Variants in NOTCH4 observed in about 807,000 individuals in gnomAD.
NOTCH4 encodes neurogenic locus notch homolog protein 4.
In NOTCH4, 138 loss-of-function variants were observed where a neutral mutation model predicts 189.0. The observed-to-expected ratio is 0.73, with a 90% CI of 0.64 to 0.84. The LOEUF (loss-of-function observed/expected upper bound fraction) is 0.84, where lower values mean the gene tolerates loss of function less well. NOTCH4 is among the 40% of genes least tolerant of loss of function. The pLI, the probability that NOTCH4 is intolerant of heterozygous loss-of-function variation, is 0.00. For synonymous variants in NOTCH4, 942 were observed against 1,032.8 expected (o/e 0.91, Z 1.69); for missense variants, 2,286 against 2,605.4 (o/e 0.88, Z 2.67).
In NOTCH4 at chr6:32,199,286, G is replaced by A. The variant is rs1224891228; in HGVS notation, c.4316-141C>T. The stretch of plus-strand genomic sequence containing the variant: ...AATGGGGATGATAATATAGATTGAG[G>A]TTGGGCACAGTGGCTCATGCCTGTA... On this transcript the variant is annotated intron_variant, in intron 23 of 29. Coordinates refer to ENST00000375023, the MANE Select transcript of NOTCH4 (RefSeq NM_004557.4). The surrounding 1 kb of genome is among the most constrained non-coding windows in gnomAD (Gnocchi z 4.9). 3.2e-6 allele frequency: 2 copies of A among 624,016 alleles called. No homozygotes were observed. The highest frequency in any genetic ancestry group is 5.4e-6 in the Non-Finnish European group (2 of 370,052). The allele number at this position is 624,016 out of a possible 1,614,324, so 38.7% of individuals were successfully genotyped here.
In NOTCH4 at chr6:32,219,711, G is replaced by GGACA; in HGVS notation, c.1387_1390dup (p.Pro464LeufsTer11). The stretch of plus-strand genomic sequence containing the variant: ...ACAACGGGAGCCTGTGTAGCCAGGT[G>GGACA]GACAGAGGCAGTTGAAGGAGCCAGG... On this transcript the variant is annotated frameshift_variant, in exon 8 of 30. Transcript: ENST00000375023. LOFTEE classifies it high-confidence loss of function. 6.2e-7 allele frequency: 1 copy of GGACA among 1,613,104 alleles called. No homozygotes were observed. Among genetic ancestry groups the GGACA allele is most frequent in the African/African-American group, 1.3e-5 (1 of 75,008 alleles).
chr6:32,223,409 G>C (rs1369146810), intron 1 of NOTCH4, among the ~76,000 whole-genome samples: 2 of 152,056 alleles, frequency 1.3e-5, no homozygotes, highest in Non-Finnish European at 2.9e-5. Context: ...CTGAGACTTC[G>C]AAGAGATTTC....
chr6:32,223,758 T>C, intron 1 of NOTCH4, 98 bp downstream of exon 1: 1 of 1,199,854 alleles, frequency 8.3e-7, no homozygotes, highest in East Asian at 2.5e-5. Context: ...CCATCCAGCA[T>C]CCCTCACACG....
Position 32,210,141 on chromosome 6 carries a change from C to T in NOTCH4, c.2865+611G>A, listed in dbSNP as rs180918572. On this transcript the variant is annotated intron_variant, in intron 18 of 29. Coordinates refer to ENST00000375023, the MANE Select transcript of NOTCH4 (RefSeq NM_004557.4). The surrounding 1 kb of genome is among the most constrained non-coding windows in gnomAD (Gnocchi z 4.8). ...AGGGACATCTTCCTGAAGAAGATGC[C>T]TCCTGAACACCAGCCTGTGGAAGAG... 2.0e-5 allele frequency among the ~76,000 whole-genome samples: 3 copies of T among 152,228 alleles called. No homozygotes were observed. The East Asian group carries it at 5.8e-4, about 29-fold the overall frequency.
chr6:32,211,012 G>A, intron 17 of NOTCH4, 76 bp from the exon 18 acceptor site: 1 of 1,393,716 alleles, frequency 7.2e-7, no homozygotes, highest in Non-Finnish European at 9.6e-7. Context: ...TGTAATCCCA[G>A]CACTTTGGGA....
In NOTCH4 at chr6:32,195,725, G is replaced by GC; in HGVS notation, c.5723dup (p.Thr1910AspfsTer6). The GC allele has an allele frequency of 6.2e-7, 1 of 1,612,674 alleles. No individual in the cohort carries two copies. The highest frequency in any genetic ancestry group is 1.3e-5 in the African/African-American group (1 of 75,064). ...AAAACCTACGGCCGCGAGGGGTCGG[G>GC]CCTCCTCCTGCTCCTACTCCCGAGA... On this transcript the variant is annotated frameshift_variant, in exon 30 of 30. Coordinates refer to ENST00000375023, the MANE Select transcript of NOTCH4 (RefSeq NM_004557.4). LOFTEE classifies it low-confidence loss of function (END_TRUNC). The surrounding 1 kb of genome is among the most constrained non-coding windows in gnomAD (Gnocchi z 5.4).
intron 18 of NOTCH4, among the ~76,000 whole-genome samples, chr6:32,205,708 G>A (rs1220309695): frequency 3.3e-5 from 5 of 151,750 alleles, no homozygotes; most frequent in Non-Finnish European, 7.4e-5. Flanking sequence ...GTAGGTTAGG[G>A]TATCTGTCTT....
At chr6:32,205,926 A>G (rs112635766) in intron 18 of NOTCH4, among the ~76,000 whole-genome samples, 184 of 152,116 alleles carry the variant, frequency 1.2e-3, no homozygotes, top group African/African-American at 4.2e-3. Flanking sequence ...AATCCCAGCT[A>G]CTGGGGAGGC....
At chr6:32,216,737 A>G (rs1582815242) in intron 11 of NOTCH4, 1 of 648,756 alleles carries the variant, frequency 1.5e-6, no homozygotes, top group Non-Finnish European at 2.7e-6. Context: ...CACACCATTT[A>G]CACTGGGCCC....
intron 7 of NOTCH4, 145 bp from the exon 8 acceptor site, chr6:32,219,931 A>G: frequency 1.1e-6 from 1 of 886,468 alleles, no homozygotes; most frequent in Non-Finnish European, 1.7e-6. Flanking sequence ...ATGGAAAGGA[A>G]ATAAGGGACC....
At position 32,197,378 on chromosome 6, in the gene NOTCH4, G is replaced by T; in HGVS notation, c.4973C>A (p.Ala1658Asp). 6.5e-7 allele frequency: 1 copy of T among 1,538,324 alleles called. No homozygotes were observed. Residue 1658 changes from alanine (A) to aspartate (D), a missense_variant, in exon 27 of 30, where the codon GCC becomes GAC. Transcript: ENST00000375023. The stretch of plus-strand genomic sequence containing the variant: ...TGCCCGGTCTGGCTGGTTGGGGTTG[G>T]CTCCAGCCTCAAGGAGGCGGCGGGC... ...TAARRLLEAGANPNQPDRAGR... is the reference protein window; with the variant it reads ...TAARRLLEAGDNPNQPDRAGR...
intron 18 of NOTCH4, among the ~76,000 whole-genome samples, chr6:32,206,856 C>T (rs1167909910): frequency 4.0e-5 from 6 of 151,860 alleles, no homozygotes; most frequent in Non-Finnish European, 8.8e-5. Flanking sequence ...GACACATAGA[C>T]CAATGGAATG....
At position 32,204,187 on chromosome 6, in the gene NOTCH4, C is replaced by T; in HGVS notation, c.3068G>A (p.Cys1023Tyr). ...QPCHPTGTAA[C>Y]HSLANAFYCQ... ...GTAGAAGGCATTGGCCAGAGAGTGGCAGGCTGCAGTGCCTGTGGGGTGGCA... is the reference window on the plus strand; with the variant it reads ...GTAGAAGGCATTGGCCAGAGAGTGGTAGGCTGCAGTGCCTGTGGGGTGGCA... The change falls in exon 19 of 30, where the codon TGC (cysteine) becomes TAC (tyrosine). Residue 1023 changes from cysteine to tyrosine, a missense_variant. Cys to Tyr is a radical substitution (Grantham distance 194). Transcript: ENST00000375023. The T allele has an allele frequency of 6.2e-7, 1 of 1,612,964 alleles. No individual in the cohort carries two copies. Among genetic ancestry groups the T allele is most frequent in the South Asian group, 1.1e-5 (1 of 91,086 alleles).
rs142608082 is a variant in NOTCH4, at chr6:32,199,034, C to T, written c.4427G>A (p.Arg1476Gln). The T allele has an allele frequency of 2.3e-4, 364 of 1,612,694 alleles. No individual in the cohort carries two copies. Among genetic ancestry groups the T allele is most frequent in the Non-Finnish European group, 3.0e-4 (353 of 1,179,940 alleles). The change falls in exon 24 of 30, where the codon CGA becomes CAA. Residue 1476 changes from arginine (R) to glutamine (Q), a missense_variant. Physicochemically the swap from Arg to Gln is conservative, Grantham distance 43. Around this residue, in one of 2 missense-constraint regions of NOTCH4, gnomAD observed 1,903 missense variants for 2,261.9 expected, o/e 0.84. Coordinates refer to ENST00000375023, the MANE Select transcript of NOTCH4 (RefSeq NM_004557.4). The surrounding 1 kb of genome is among the most constrained non-coding windows in gnomAD (Gnocchi z 4.9). ...LVLQLIRRRR[R>Q]EHGALWLPPG... is the part of the protein sequence containing the mutation. ...GGGCAGCCAGAGAGCTCCATGCTCTCGGCGTCGACGCCGGATGAGCTGGAG... is the reference window on the plus strand; with the variant it reads ...GGGCAGCCAGAGAGCTCCATGCTCTTGGCGTCGACGCCGGATGAGCTGGAG...
Position 32,212,978 on chromosome 6 carries a change from T to C in NOTCH4, c.2439-67A>G, listed in dbSNP as rs1392575994. 25 of 1,450,690 alleles carry C rather than the reference T, an allele frequency of 1.7e-5. No individual in the cohort carries two copies. In the Admixed American group the frequency reaches 4.5e-4, roughly 26 times the overall value. 89.9% of individuals were successfully genotyped at this position (1,450,690 alleles called of 1,614,324 possible). A position where few individuals can be genotyped will look rare whatever the true frequency, so the allele number is the denominator to read the frequency against. On this transcript the variant is annotated intron_variant, in intron 15 of 29. Transcript: ENST00000375023. This position sits in a 1 kb window ranked among gnomAD's most constrained non-coding sequence, Gnocchi z 4.4. ...GCAACAAGGGGAAGGTAGTGTGTGA[T>C]ATTGTCGGGAGGCAACCACAGGGAG...
At position 32,209,224 on chromosome 6, in the gene NOTCH4, A is replaced by G. The variant is rs372816342; in HGVS notation, c.2865+1528T>C. Among the ~76,000 whole-genome samples the G allele has an allele frequency of 9.2e-5, 14 of 152,302 alleles. No homozygotes were observed. In the East Asian group the frequency reaches 2.3e-3, roughly 25 times the overall value. ...CTTAGTTAGTCCTGACCTTTCTTGC[A>G]TTCCAGGTAGATACTTGCATCAGCC... On this transcript the variant is annotated intron_variant, in intron 18 of 29. Coordinates refer to ENST00000375023, the MANE Select transcript of NOTCH4 (RefSeq NM_004557.4).
Position 32,201,092 on chromosome 6 carries a change from C to A in NOTCH4, c.4139+25G>T. 6.3e-7 allele frequency: 1 copy of A among 1,591,106 alleles called. No individual in the cohort carries two copies. Among genetic ancestry groups the A allele is most frequent in the East Asian group, 2.2e-5 (1 of 44,754 alleles). ...CCCTCTTAAAAAAACTGGTGTCTGG[C>A]CCTTCCCTCCACCTAGCTTCTTACC... On this transcript the variant is annotated intron_variant, in intron 22 of 29. Coordinates refer to ENST00000375023, the MANE Select transcript of NOTCH4 (RefSeq NM_004557.4). The surrounding 1 kb of genome is among the most constrained non-coding windows in gnomAD (Gnocchi z 5.5).
intron 18 of NOTCH4, among the ~76,000 whole-genome samples, chr6:32,207,322 T>C (rs1302530222): frequency 2.0e-5 from 3 of 151,476 alleles, no homozygotes; most frequent in African/African-American, 7.3e-5. Context: ...GATATCCATA[T>C]GCAGAAGAAA....
rs1789506441 is a variant in NOTCH4, at chr6:32,217,762, T to C, written c.1624+233A>G. 6.6e-6 allele frequency among the ~76,000 whole-genome samples: 1 copy of C among 152,032 alleles called. No homozygotes were observed. Among genetic ancestry groups the C allele is most frequent in the Non-Finnish European group, 1.5e-5 (1 of 67,998 alleles). On this transcript the variant is annotated intron_variant, in intron 9 of 29. Transcript: ENST00000375023. The surrounding 1 kb of genome is among the most constrained non-coding windows in gnomAD (Gnocchi z 4.2). ...ATACACAGAGGCTGTGCAGGAGGAC[T>C]GGAAAGGAGGGATCTTTGGGTGATT... is the stretch of plus-strand genomic sequence containing the variant.
Sources: allele counts gnomAD v4.1 joint callset (sites outside exome capture counted in the v4.1 genomes callset), GRCh38; gene constraint gnomAD v4.1.1; regional missense constraint gnomAD v4.1.1; non-coding constraint Gnocchi (gnomAD v3.1); transcripts MANE v1.5; gene names NCBI Gene and HGNC (gene_info 2026-07-23, HGNC 2026-07-21).